The following KIAA1328 variants were observed in gnomAD, a reference collection of about 807,000 sequenced individuals.
KIAA1328 encodes protein hinderin.
KIAA1328 carries 52 observed loss-of-function variants against 68.1 expected under a neutral mutation model. That is an observed-to-expected ratio of 0.76 (90% CI 0.61 to 0.96). KIAA1328 has a LOEUF of 0.96. KIAA1328 is among the 40% of genes least tolerant of loss of function. KIAA1328 has a pLI of 0.00. For missense variants in KIAA1328, 641 were observed against 677.6 expected (o/e 0.95, Z 0.60); for synonymous variants, 232 against 239.4 (o/e 0.97, Z 0.28).
At chr18:36,870,339 A>G (rs891429127) in intron 4 of KIAA1328, among the ~76,000 whole-genome samples, 14 of 152,200 alleles carry the variant, frequency 9.2e-5, no homozygotes, top group African/African-American at 2.9e-4. Context: ...AGATACTGGT[A>G]TACCCTTGAG....
At chr18:36,901,603 C>T (rs1247870645) in intron 5 of KIAA1328, among the ~76,000 whole-genome samples, 1 of 151,974 alleles carries the variant, frequency 6.6e-6, no homozygotes, top group Non-Finnish European at 1.5e-5. Context: ...GGACCTTTTC[C>T]TTTCTTATGT....
chr18:37,069,778 G>T (rs190775304), intron 7 of KIAA1328, among the ~76,000 whole-genome samples: 45 of 152,086 alleles, frequency 3.0e-4, no homozygotes, highest in African/African-American at 1.1e-3. Context: ...AAATAACTGG[G>T]TTTTTGTTTC....
At chr18:37,131,061 G>A (rs917790444) in intron 7 of KIAA1328, among the ~76,000 whole-genome samples, 1 of 152,122 alleles carries the variant, frequency 6.6e-6, no homozygotes, top group African/African-American at 2.4e-5. Context: ...CACAATAGGG[G>A]TAGGGCCTGG....
chr18:36,923,470 T>A (rs961544625), intron 5 of KIAA1328, among the ~76,000 whole-genome samples: 14 of 152,190 alleles, frequency 9.2e-5, no homozygotes, highest in Admixed American at 5.9e-4. Flanking sequence ...AGGTCTCATC[T>A]CTACAGATTC....
chr18:37,065,523 C>A (rs1434367271), intron 6 of KIAA1328, among the ~76,000 whole-genome samples: 1 of 152,158 alleles, frequency 6.6e-6, no homozygotes, highest in Non-Finnish European at 1.5e-5. Context: ...TCAAACAACC[C>A]ATCTTGCTAG....
intron 9 of KIAA1328, among the ~76,000 whole-genome samples, chr18:37,196,739 T>A (rs2060010660): frequency 6.6e-6 from 1 of 152,144 alleles, no homozygotes; most frequent in African/African-American, 2.4e-5. Context: ...TGTAGTCTTC[T>A]TTTTTTGTTG....
intron 7 of KIAA1328, among the ~76,000 whole-genome samples, chr18:37,092,457 G>T (rs1444338733): frequency 6.6e-6 from 1 of 151,806 alleles, no homozygotes; most frequent in Non-Finnish European, 1.5e-5. Flanking sequence ...GATGGCACTT[G>T]TGCACACAAT....
At chr18:37,021,310 C>T (rs1053986177) in intron 6 of KIAA1328, among the ~76,000 whole-genome samples, 13 of 152,124 alleles carry the variant, frequency 8.5e-5, no homozygotes, top group Non-Finnish European at 1.8e-4. Context: ...CAAACAAATG[C>T]AATAAATCAG....
chr18:37,126,793 T>C (rs181260330), intron 7 of KIAA1328, among the ~76,000 whole-genome samples: 6 of 152,278 alleles, frequency 3.9e-5, no homozygotes, highest in Admixed American at 6.5e-5. Context: ...AACTTACCAT[T>C]TGAAAATCAT....
chr18:37,033,028 G>C (rs939504048), intron 6 of KIAA1328, among the ~76,000 whole-genome samples: 6 of 152,236 alleles, frequency 3.9e-5, no homozygotes, highest in Admixed American at 1.3e-4. Flanking sequence ...TTACTCTTAT[G>C]ATCTTTCTTC....
At chr18:36,848,541 CTTTT>C (rs59271370) in intron 4 of KIAA1328, among the ~76,000 whole-genome samples, 4 of 38,144 alleles carry the variant, frequency 1.0e-4, no homozygotes, top group African/African-American at 3.5e-4. Context: ...TCTATAGATG[CTTTT>C]TTTTTTTTTT....
At chr18:37,029,203 A>AT (rs111567446) in intron 6 of KIAA1328, among the ~76,000 whole-genome samples, 58,498 of 150,430 alleles carry the variant, frequency 0.39, 12,752 homozygotes, top group African/African-American at 0.59. Context: ...GAAACTCAAT[A>AT]TTTTTTTTTC....
intron 9 of KIAA1328, among the ~76,000 whole-genome samples, chr18:37,184,939 G>A (rs1373911234): frequency 3.3e-5 from 5 of 152,002 alleles, no homozygotes; most frequent in East Asian, 1.9e-4. Context: ...TGAGACGGGC[G>A]GATCACGAGG....
At chr18:36,883,952 G>GTGTATATATATATATATATATA (rs1556808300) in intron 4 of KIAA1328, among the ~76,000 whole-genome samples, 2 of 120,804 alleles carry the variant, frequency 1.7e-5, no homozygotes, top group Non-Finnish European at 3.5e-5. Context: ...TATTTATAAA[G>GTGTATATATATATATATATATA]TATATATATA....
chr18:36,900,001 T>G (rs1350008164), intron 5 of KIAA1328, among the ~76,000 whole-genome samples: 2 of 151,914 alleles, frequency 1.3e-5, no homozygotes, highest in Non-Finnish European at 2.9e-5. Flanking sequence ...GAGATTTAAG[T>G]GTAGAATACA....
intron 4 of KIAA1328, among the ~76,000 whole-genome samples, chr18:36,883,221 C>A (rs1202640085): frequency 6.6e-6 from 1 of 152,108 alleles, no homozygotes; most frequent in Non-Finnish European, 1.5e-5. Flanking sequence ...ATCCCTAATA[C>A]AAACATTCGA....
chr18:37,202,920 C>T (rs1343220000), intron 9 of KIAA1328, among the ~76,000 whole-genome samples: 2 of 151,904 alleles, frequency 1.3e-5, no homozygotes, highest in Non-Finnish European at 2.9e-5. Flanking sequence ...TTCATTTAGC[C>T]AAAGCAATAA....
rs752916348 is a variant in KIAA1328, at chr18:37,165,488, C to T, written c.1414+5107C>T. Among the ~76,000 whole-genome samples, 21 of 151,490 alleles carry T rather than the reference C, an allele frequency of 1.4e-4. No individual in the cohort carries two copies. In the South Asian group the frequency reaches 2.3e-3, roughly 17 times the overall value. On this transcript the variant is annotated intron_variant, in intron 8 of 9. Transcript: ENST00000280020. ...AGACTGGAGTGCAATGGTGCTATAT[C>T]GGTTCACTGCAGCCTCCACCTCCTA...
At chr18:36,950,633 G>A (rs1394945291) in intron 5 of KIAA1328, among the ~76,000 whole-genome samples, 1 of 152,092 alleles carries the variant, frequency 6.6e-6, no homozygotes, top group Admixed American at 6.6e-5. Context: ...TAGGAATCTA[G>A]GATTAAGGGC....
Sources: allele counts gnomAD v4.1 joint callset (sites outside exome capture counted in the v4.1 genomes callset), GRCh38; gene constraint gnomAD v4.1.1; transcripts MANE v1.5; gene names NCBI Gene and HGNC (gene_info 2026-07-23, HGNC 2026-07-21).